The following DCDC1 variants were observed in gnomAD, a reference collection of about 807,000 sequenced individuals.
The protein encoded by DCDC1 is doublecortin domain containing 1.
Under a neutral mutation model 178.3 loss-of-function variants are expected in DCDC1, and 200 were observed. The ratio of observed to expected loss-of-function variants is 1.12; its 90% CI spans 1.00 to 1.26. The LOEUF (loss-of-function observed/expected upper bound fraction) is 1.26. DCDC1 is among the 50% of genes most tolerant of loss of function. The pLI is 0.00. For missense variants in DCDC1, 1,983 were observed against 1,749.2 expected (o/e 1.13, Z -2.38); for synonymous variants, 690 against 604.8 (o/e 1.14, Z -2.07).
At position 31,319,553 on chromosome 11, in the gene DCDC1, C is replaced by A. The variant is rs1239951587; in HGVS notation, c.164+8564G>T. On this transcript the variant is annotated intron_variant, in intron 3 of 38. Transcript: ENST00000684477. ...TATTTTGAGCCTATGTGTGCCTCTG[C>A]ACGTGAGATGGGTTTCCTGAATACA... is the stretch of plus-strand genomic sequence containing the variant. 3.9e-5 allele frequency among the ~76,000 whole-genome samples: 2 copies of A among 51,932 alleles called. 1 individual carries two copies. The highest frequency in any genetic ancestry group is 6.5e-5 in the Non-Finnish European group (2 of 30,574). The allele number at this position is 51,932 out of a possible 152,430, so 34.1% of individuals were successfully genotyped here. A position where few individuals can be genotyped will look rare whatever the true frequency, so the allele number is the denominator to read the frequency against.
chr11:30,920,904 T>A lies in DCDC1; in HGVS notation c.3165A>T (p.Val1055=). 2 of 1,612,636 alleles carry A rather than the reference T, an allele frequency of 1.2e-6. No homozygotes were observed. Among genetic ancestry groups the A allele is most frequent in the African/African-American group, 2.7e-5 (2 of 75,058 alleles). The change falls in exon 25 of 39, where the codon GTA becomes GTT. Residue 1055 remains valine (V), a synonymous_variant. Transcript: ENST00000684477. ...ALVLEVQSDI[V]SGSKLAVHKP... is the part of the protein sequence containing the mutation. ...TATGCACAGCAAGCTTGCTTCCAGA[T>A]ACAATGTCACTTTGGACTTCTAAAA...
chr11:31,010,342 G>A (rs1952098428), intron 20 of DCDC1, among the ~76,000 whole-genome samples: 1 of 151,498 alleles, frequency 6.6e-6, no homozygotes, highest in Non-Finnish European at 1.5e-5. Flanking sequence ...AGGTTGTTAG[G>A]AGAACTCACT....
At chr11:30,944,690 C>T (rs538482718) in intron 21 of DCDC1, among the ~76,000 whole-genome samples, 2 of 152,164 alleles carry the variant, frequency 1.3e-5, no homozygotes, top group East Asian at 3.9e-4. Context: ...ATTCTCTTCT[C>T]TTCCTCAGAC....
chr11:30,996,753 G>A (rs1199012155), intron 20 of DCDC1, among the ~76,000 whole-genome samples: 1 of 152,134 alleles, frequency 6.6e-6, no homozygotes, highest in Non-Finnish European at 1.5e-5. Flanking sequence ...ATAAATTTCT[G>A]TTCTTTAAGA....
intron 11 of DCDC1, among the ~76,000 whole-genome samples, chr11:31,126,564 A>G (rs2135928752): frequency 6.6e-6 from 1 of 152,322 alleles, no homozygotes; most frequent in Non-Finnish European, 1.5e-5. Flanking sequence ...CAATATTAAG[A>G]AAGAGGAATT....
In DCDC1 at chr11:31,064,636, G is replaced by A. The variant is rs867703300; in HGVS notation, c.2434-10C>T. Reference sequence around the variant, plus strand: ...CACTTTCTTGCAGAACCTAATAAATGAAATATAGGAATCATGTAGCTAATT... The same window carrying A: ...CACTTTCTTGCAGAACCTAATAAATAAAATATAGGAATCATGTAGCTAATT... On this transcript the variant is annotated splice_polypyrimidine_tract_variant and intron_variant, in intron 19 of 38. Transcript: ENST00000684477. 2.6e-6 allele frequency: 2 copies of A among 764,704 alleles called. No individual in the cohort carries two copies. Among genetic ancestry groups the A allele is most frequent in the African/African-American group, 3.4e-5 (2 of 58,994 alleles). The allele number at this position is 764,704 out of a possible 1,614,324, so 47.4% of individuals were successfully genotyped here. A position where few individuals can be genotyped will look rare whatever the true frequency, so the allele number is the denominator to read the frequency against.
Position 31,265,502 on chromosome 11 carries a change from C to G in DCDC1, c.1054+5G>C. ...CAAATGGTTTACAAAATCTTTGCCA[C>G]TTACCTTTTGAAATATCTTCAATTT... On this transcript the variant is annotated splice_donor_5th_base_variant and intron_variant, in intron 8 of 38. Transcript: ENST00000684477. 1 of 1,397,496 alleles carries G rather than the reference C, an allele frequency of 7.2e-7. No homozygotes were observed. Among genetic ancestry groups the G allele is most frequent in the Non-Finnish European group, 9.5e-7 (1 of 1,056,924 alleles). The allele number at this position is 1,397,496 out of a possible 1,614,324, so 86.6% of individuals were successfully genotyped here.
chr11:30,932,608 G>A (rs1325774504), intron 21 of DCDC1, among the ~76,000 whole-genome samples: 1 of 152,090 alleles, frequency 6.6e-6, no homozygotes, highest in East Asian at 1.9e-4. Flanking sequence ...ATTTATAGCA[G>A]GTCTTCAGAA....
At chr11:31,350,249 G>A (rs1951006376) in intron 1 of DCDC1, among the ~76,000 whole-genome samples, 1 of 152,026 alleles carries the variant, frequency 6.6e-6, no homozygotes, top group Non-Finnish European at 1.5e-5. Flanking sequence ...AACTGGTAGT[G>A]AACATTTAAT....
chr11:31,322,383 T>A (rs1233459889), intron 3 of DCDC1, among the ~76,000 whole-genome samples: 1 of 152,224 alleles, frequency 6.6e-6, no homozygotes, highest in Non-Finnish European at 1.5e-5. Context: ...AAGTCTCGGT[T>A]ATTTTTAAGA....
chr11:30,961,207 C>T (rs1212903053), intron 20 of DCDC1, among the ~76,000 whole-genome samples: 2 of 151,968 alleles, frequency 1.3e-5, no homozygotes, highest in African/African-American at 2.4e-5. Context: ...AGTCTGTATA[C>T]ATAGTAACAA....
intron 7 of DCDC1, among the ~76,000 whole-genome samples, chr11:31,266,102 C>T (rs1301940287): frequency 6.6e-6 from 1 of 151,828 alleles, no homozygotes; most frequent in African/African-American, 2.4e-5. Flanking sequence ...TCCAAATGTC[C>T]TAAAATAAAT....
chr11:31,060,925 CTA>C (rs1473324344), intron 20 of DCDC1, among the ~76,000 whole-genome samples: 2 of 152,002 alleles, frequency 1.3e-5, no homozygotes, highest in African/African-American at 4.8e-5. Flanking sequence ...GCTTTTAAAT[CTA>C]TGTTTTCTTT....
rs1018717460 is a variant in DCDC1, at chr11:30,864,936, G to A, written c.*437C>T. On this transcript the variant is annotated 3_prime_UTR_variant, in exon 39 of 39. Transcript: ENST00000684477. ...TCAAAATAGGCCCATTGAAAAAACT[G>A]AGTTATTTTGAAGGATAAATTTATT... The A allele has an allele frequency of 2.6e-5, 4 of 152,150 alleles. No individual in the cohort carries two copies. Among genetic ancestry groups the A allele is most frequent in the Admixed American group, 1.3e-4 (2 of 15,262 alleles). The allele number at this position is 152,150 out of a possible 1,614,324, so 9.4% of individuals were successfully genotyped here.
intron 18 of DCDC1, among the ~76,000 whole-genome samples, chr11:31,067,174 A>G (rs1463863159): frequency 1.3e-5 from 2 of 152,184 alleles, no homozygotes; most frequent in East Asian, 3.8e-4. Context: ...AGAATGAGAC[A>G]AAATATTTTC....
chr11:31,092,147 T>A (rs1957858951), intron 16 of DCDC1, among the ~76,000 whole-genome samples: 1 of 152,222 alleles, frequency 6.6e-6, no homozygotes, highest in Non-Finnish European at 1.5e-5. Flanking sequence ...TTATGGCACG[T>A]AAAATTCTCT....
chr11:30,949,448 G>A (rs1236737383), intron 21 of DCDC1, among the ~76,000 whole-genome samples: 2 of 152,154 alleles, frequency 1.3e-5, no homozygotes, highest in Non-Finnish European at 2.9e-5. Context: ...ACAGTGTGGT[G>A]ATTCCTCAAG....
intron 20 of DCDC1, among the ~76,000 whole-genome samples, chr11:31,024,607 T>C (rs952091494): frequency 1.3e-5 from 2 of 151,890 alleles, no homozygotes; most frequent in Non-Finnish European, 2.9e-5. Context: ...AAGAAGCAAT[T>C]ATCTCCGTAG....
At chr11:31,171,342 GAA>G (rs71060479) in intron 9 of DCDC1, among the ~76,000 whole-genome samples, 22 of 150,736 alleles carry the variant, frequency 1.5e-4, no homozygotes, top group Admixed American at 3.3e-4. Context: ...TAAACAACAT[GAA>G]AAAAAAAAAT....
Sources: allele counts gnomAD v4.1 joint callset (sites outside exome capture counted in the v4.1 genomes callset), GRCh38; gene constraint gnomAD v4.1.1; transcripts MANE v1.5; gene names NCBI Gene and HGNC (gene_info 2026-07-23, HGNC 2026-07-21).